KCNH7: variants seen among roughly 807,000 people sequenced by gnomAD.
The protein encoded by KCNH7 is potassium voltage-gated channel subfamily H member 7.
A neutral mutation model predicts 120.8 loss-of-function variants in KCNH7; 49 were observed. That is an observed-to-expected ratio of 0.41 (90% CI 0.32 to 0.51). KCNH7 has a LOEUF of 0.51. KCNH7 is among the 20% of genes least tolerant of loss of function. The pLI is 0.38. For synonymous variants in KCNH7, 547 were observed against 516.1 expected (o/e 1.06, Z -0.81); for missense variants, 1,097 against 1,446.6 (o/e 0.76, Z 3.92).
At position 162,371,782 on chromosome 2, in the gene KCNH7, C is replaced by A; in HGVS notation, c.*47G>T. 3 of 1,527,910 alleles carry A rather than the reference C, an allele frequency of 2.0e-6. No homozygotes were observed. Among genetic ancestry groups the A allele is most frequent in the South Asian group, 1.2e-5 (1 of 84,198 alleles). The allele number at this position is 1,527,910 out of a possible 1,614,324, so 94.6% of individuals were successfully genotyped here. ...GATTTAAATAGAAAAAGGAAAACAGCCATTAAAAGCACTTACATTGTATGT... is the reference window on the plus strand; with the variant it reads ...GATTTAAATAGAAAAAGGAAAACAGACATTAAAAGCACTTACATTGTATGT... On this transcript the variant is annotated 3_prime_UTR_variant, in exon 16 of 16. Coordinates refer to ENST00000332142, the MANE Select transcript of KCNH7 (RefSeq NM_033272.4).
At chr2:162,823,838 T>C (rs4667758) in intron 2 of KCNH7, among the ~76,000 whole-genome samples, 90,682 of 151,308 alleles carry the variant, frequency 0.6, 28,140 homozygotes, top group South Asian at 0.84. Flanking sequence ...TTTTAAATGC[T>C]GACAGTCTAA....
intron 5 of KCNH7, among the ~76,000 whole-genome samples, chr2:162,507,644 C>G (rs970343594): frequency 6.6e-6 from 1 of 151,500 alleles, no homozygotes; most frequent in Non-Finnish European, 1.5e-5. Flanking sequence ...AGTGGGATTT[C>G]TTTCTTCTGT....
chr2:162,619,890 T>C (rs567359088), intron 2 of KCNH7, among the ~76,000 whole-genome samples: 2 of 151,992 alleles, frequency 1.3e-5, no homozygotes, highest in Non-Finnish European at 2.9e-5. Context: ...GGTATTTGCA[T>C]AAATATTTAG....
chr2:162,654,573 T>TA (rs1401431352), intron 2 of KCNH7, among the ~76,000 whole-genome samples: 3 of 152,026 alleles, frequency 2.0e-5, no homozygotes, highest in Non-Finnish European at 4.4e-5. Context: ...ACAACCATTA[T>TA]AAAAAATGGT....
At chr2:162,607,220 CAA>C (rs34786286) in intron 2 of KCNH7, among the ~76,000 whole-genome samples, 49,109 of 111,686 alleles carry the variant, frequency 0.44, 9,196 homozygotes, top group Middle Eastern at 0.56. Context: ...ACTAAAAATA[CAA>C]AAAAAAAAAA....
At chr2:162,466,448 C>T (rs1689307221) in intron 6 of KCNH7, among the ~76,000 whole-genome samples, 1 of 152,120 alleles carries the variant, frequency 6.6e-6, no homozygotes, top group Non-Finnish European at 1.5e-5. Flanking sequence ...GGGGAAAAGC[C>T]CCTTATAAAA....
intron 2 of KCNH7, among the ~76,000 whole-genome samples, chr2:162,559,973 C>A (rs1015218571): frequency 6.6e-6 from 1 of 152,166 alleles, no homozygotes; most frequent in Admixed American, 6.5e-5. Context: ...AAACTAACAA[C>A]CACAGTGGGC....
At chr2:162,694,631 A>G (rs762993992) in intron 2 of KCNH7, among the ~76,000 whole-genome samples, 44 of 152,166 alleles carry the variant, frequency 2.9e-4, no homozygotes, top group Non-Finnish European at 5.3e-4. Context: ...TGCTCCTTCC[A>G]GGAATAGAGG....
intron 2 of KCNH7, among the ~76,000 whole-genome samples, chr2:162,652,847 T>C (rs1326691737): frequency 6.6e-6 from 1 of 152,230 alleles, no homozygotes; most frequent in Non-Finnish European, 1.5e-5. Flanking sequence ...AGCATACACA[T>C]TTTTAAAAGT....
chr2:162,551,931 G>A (rs1205190627), intron 2 of KCNH7, among the ~76,000 whole-genome samples: 2 of 152,150 alleles, frequency 1.3e-5, no homozygotes, highest in Non-Finnish European at 2.9e-5. Flanking sequence ...TAATGTATTG[G>A]TGGAAATGTA....
intron 2 of KCNH7, among the ~76,000 whole-genome samples, chr2:162,694,991 T>C (rs2105334132): frequency 6.6e-6 from 1 of 152,234 alleles, no homozygotes; most frequent in South Asian, 2.1e-4. Context: ...TCCACCCGCC[T>C]CGGCCTCCCA....
At chr2:162,709,219 A>G (rs1490237386) in intron 2 of KCNH7, among the ~76,000 whole-genome samples, 1 of 152,110 alleles carries the variant, frequency 6.6e-6, no homozygotes, top group East Asian at 1.9e-4. Context: ...ATATTTCAAG[A>G]GTGATTAAAA....
At chr2:162,634,617 G>C (rs1007657612) in intron 2 of KCNH7, among the ~76,000 whole-genome samples, 1 of 151,992 alleles carries the variant, frequency 6.6e-6, no homozygotes, top group South Asian at 2.1e-4. Flanking sequence ...CCGATGAGGG[G>C]ACTGAGACCC....
chr2:162,592,533 T>C (rs1182878091), intron 2 of KCNH7, among the ~76,000 whole-genome samples: 1 of 151,966 alleles, frequency 6.6e-6, no homozygotes. Context: ...GCATAGAAAT[T>C]TAGCAGCATG....
chr2:162,415,209 CCTT>C (rs1687504723), intron 9 of KCNH7, among the ~76,000 whole-genome samples: 1 of 152,000 alleles, frequency 6.6e-6, no homozygotes, highest in South Asian at 2.1e-4. Flanking sequence ...TTGAGCCTCT[CCTT>C]TGTTCTCTGG....
chr2:162,791,089 A>C (rs1006993385), intron 2 of KCNH7, among the ~76,000 whole-genome samples: 1 of 152,110 alleles, frequency 6.6e-6, no homozygotes, highest in Non-Finnish European at 1.5e-5. Context: ...TATACCAACA[A>C]ATCTGTTAAA....
chr2:162,562,228 T>C (rs1431712762), intron 2 of KCNH7, among the ~76,000 whole-genome samples: 1 of 152,186 alleles, frequency 6.6e-6, no homozygotes, highest in Non-Finnish European at 1.5e-5. Context: ...AAGTAAACTT[T>C]CCCTTTGTTT....
At chr2:162,685,968 C>T (rs916110724) in intron 2 of KCNH7, among the ~76,000 whole-genome samples, 1 of 151,918 alleles carries the variant, frequency 6.6e-6, no homozygotes, top group South Asian at 2.1e-4. Context: ...CACCCTAAAA[C>T]GAGAAACAGT....
chr2:162,517,816 C>T lies in KCNH7; in HGVS notation c.806G>A (p.Ser269Asn), dbSNP rs369230947. 1.2e-6 allele frequency: 2 copies of T among 1,612,230 alleles called. No homozygotes were observed. The highest frequency in any genetic ancestry group is 1.7e-6 in the Non-Finnish European group (2 of 1,178,814). The change falls in exon 4 of 16, where the codon AGT (serine) becomes AAT (asparagine). Residue 269 changes from serine (S) to asparagine (N), a missense_variant. Coordinates refer to ENST00000332142, the MANE Select transcript of KCNH7 (RefSeq NM_033272.4). ...ATGGACCGAAGATGCTCTCCGTATA[C>T]TACATAAGCTTTCCCTTGATCTGGA... ...SHSRSRESLCSIRRASSVHDI... is the reference protein window; with the variant it reads ...SHSRSRESLCNIRRASSVHDI...
Sources: allele counts gnomAD v4.1 joint callset (sites outside exome capture counted in the v4.1 genomes callset), GRCh38; gene constraint gnomAD v4.1.1; transcripts MANE v1.5; gene names NCBI Gene and HGNC (gene_info 2026-07-23, HGNC 2026-07-21).